Variants in MACC1 observed in about 807,000 individuals in gnomAD.
MACC1 encodes metastasis-associated in colon cancer protein 1.
MACC1 carries 79 observed loss-of-function variants against 70.7 expected under a neutral mutation model. That is an observed-to-expected ratio of 1.12 (90% confidence interval 0.93 to 1.35). The LOEUF (loss-of-function observed/expected upper bound fraction) is 1.35. Among genes scored for constraint, MACC1 ranks in the 40% most tolerant of loss-of-function variants. MACC1 has a pLI of 0.00. For missense variants in MACC1, 1,106 were observed against 978.1 expected (o/e 1.13, Z -1.74); for synonymous variants, 361 against 347.2 (o/e 1.04, Z -0.44).
chr7:20,167,748 G>T (rs183479642), intron 2 of MACC1, among the ~76,000 whole-genome samples: 3 of 152,182 alleles, frequency 2.0e-5, no homozygotes, highest in African/African-American at 7.2e-5. Context: ...GACCCCGGAA[G>T]ATCTCCAAGT....
intron 1 of MACC1, among the ~76,000 whole-genome samples, chr7:20,182,125 G>C (rs1282328984): frequency 2.7e-5 from 4 of 147,482 alleles, no homozygotes; most frequent in South Asian, 2.2e-4. Flanking sequence ...CTCACTCATA[G>C]GTGGGAATTG....
At chr7:20,174,277 C>G (rs1339215485) in intron 1 of MACC1, among the ~76,000 whole-genome samples, 3 of 151,994 alleles carry the variant, frequency 2.0e-5, no homozygotes, top group African/African-American at 7.3e-5. Context: ...GGAAGCTTTC[C>G]CCAATCAGCA....
chr7:20,157,277 T>C (rs1042387923), intron 5 of MACC1, among the ~76,000 whole-genome samples: 20 of 152,258 alleles, frequency 1.3e-4, no homozygotes, highest in African/African-American at 4.3e-4. Flanking sequence ...TTTATTTTTA[T>C]AAAATATTGA....
chr7:20,178,043 A>G (rs1488413436), intron 1 of MACC1, among the ~76,000 whole-genome samples: 4 of 152,086 alleles, frequency 2.6e-5, no homozygotes, highest in Admixed American at 6.5e-5. Context: ...AAAATGTTCA[A>G]TAGCTCCTCT....
rs140327615 is a variant in MACC1, at chr7:20,155,736, T to C, written c.2158-1355A>G. ...GCAATTAGAAGGACTACCCATGGTT[T>C]TGATACATAAATGGATCCATACATT... On this transcript the variant is annotated intron_variant, in intron 5 of 6. Coordinates refer to ENST00000400331, the MANE Select transcript of MACC1 (RefSeq NM_182762.4). Among the ~76,000 whole-genome samples the C allele has an allele frequency of 8.5e-5, 13 of 152,364 alleles. No homozygotes were observed. In the East Asian group the frequency reaches 2.3e-3, roughly 27 times the overall value.
intron 1 of MACC1, among the ~76,000 whole-genome samples, chr7:20,213,806 T>A (rs1221712264): frequency 6.6e-6 from 1 of 152,090 alleles, no homozygotes; most frequent in Admixed American, 6.6e-5. Flanking sequence ...ACTTGGGTAC[T>A]AGGCTTAATA....
intron 1 of MACC1, 78 bp downstream of exon 1, chr7:20,217,221 T>G (rs935590833): frequency 1.3e-5 from 2 of 152,230 alleles, no homozygotes; most frequent in East Asian, 3.8e-4. Context: ...TACATTTTTC[T>G]GGAAATTATA....
chr7:20,214,701 G>A (rs894937772), intron 1 of MACC1, among the ~76,000 whole-genome samples: 4 of 152,098 alleles, frequency 2.6e-5, no homozygotes, highest in African/African-American at 9.7e-5. Context: ...CAAGTGTTTG[G>A]AGAAGTTTAA....
At chr7:20,155,911 G>C (rs1487180014) in intron 5 of MACC1, among the ~76,000 whole-genome samples, 1 of 152,156 alleles carries the variant, frequency 6.6e-6, no homozygotes, top group East Asian at 1.9e-4. Flanking sequence ...CATAAAACCT[G>C]AGTTTAAAAT....
chr7:20,146,256 T>G (rs1223778554), intron 6 of MACC1, among the ~76,000 whole-genome samples: 1 of 152,208 alleles, frequency 6.6e-6, no homozygotes, highest in Non-Finnish European at 1.5e-5. Flanking sequence ...GTTGTTTAAT[T>G]GTCCTTTGTG....
Position 20,158,820 on chromosome 7 carries a change from A to G in MACC1, c.1541T>C (p.Leu514Pro). 7 of 1,614,080 alleles carry G rather than the reference A, an allele frequency of 4.3e-6. No homozygotes were observed. Among genetic ancestry groups the G allele is most frequent in the Non-Finnish European group, 5.9e-6 (7 of 1,180,008 alleles). Reference sequence around the variant, plus strand: ...CTGCAAATAGCCTGGCAGATTCGAGAGTCTTTTTAGGTTTGGGGTTGGATC... The same window carrying G: ...CTGCAAATAGCCTGGCAGATTCGAGGGTCTTTTTAGGTTTGGGGTTGGATC... ...TPDPTPNLKR[L>P]SNLPGYLQKK... Residue 514 changes from leucine to proline, a missense_variant, in exon 5 of 7, where the codon CTC (leucine) becomes CCC (proline). Coordinates refer to ENST00000400331, the MANE Select transcript of MACC1 (RefSeq NM_182762.4).
chr7:20,184,669 T>G (rs190378632), intron 1 of MACC1, among the ~76,000 whole-genome samples: 1 of 152,342 alleles, frequency 6.6e-6, no homozygotes, highest in East Asian at 1.9e-4. Context: ...GCTCCTTGTA[T>G]GTTAGAAATG....
intron 1 of MACC1, among the ~76,000 whole-genome samples, chr7:20,210,693 C>G (rs1281407694): frequency 6.6e-6 from 1 of 152,172 alleles, no homozygotes; most frequent in Non-Finnish European, 1.5e-5. Context: ...CTTAGCACTG[C>G]CATCAATGAG....
rs1782113851 is a variant in MACC1, at chr7:20,159,751, A to G, written c.610T>C (p.Trp204Arg). ...ACCTCCGCAAGTTGTGTCTGGGCCCATCCAGGGCTCTGACTAATTGTATTC... is the reference window on the plus strand; with the variant it reads ...ACCTCCGCAAGTTGTGTCTGGGCCCGTCCAGGGCTCTGACTAATTGTATTC... ...DLNTISQSPGWAQTQLAEVTI... is the reference protein window; with the variant it reads ...DLNTISQSPGRAQTQLAEVTI... Residue 204 changes from tryptophan (W) to arginine (R), a missense_variant, in exon 5 of 7, where the codon TGG (tryptophan) becomes CGG (arginine). By Grantham distance (101) the Trp-to-Arg change is moderately radical. Transcript: ENST00000400331. 6.2e-7 allele frequency: 1 copy of G among 1,613,984 alleles called. No homozygotes were observed. The highest frequency in any genetic ancestry group is 8.5e-7 in the Non-Finnish European group (1 of 1,180,028).
Position 20,135,209 on chromosome 7 carries a change from C to T in MACC1, c.*5737G>A, listed in dbSNP as rs1781703836. The T allele has an allele frequency of 6.6e-6, 1 of 152,212 alleles. No individual in the cohort carries two copies. Among genetic ancestry groups the T allele is most frequent in the African/African-American group, 2.4e-5 (1 of 41,452 alleles). 9.4% of individuals were successfully genotyped at this position (152,212 alleles called of 1,614,324 possible). ...AATTATCTTAAAATTATACTGAATA[C>T]ATGTCCCAAATTATTGTTAACCTAT... On this transcript the variant is annotated 3_prime_UTR_variant, in exon 7 of 7. Transcript: ENST00000400331.
rs191701979 is a variant in MACC1 at position 20,186,241 on chromosome 7, G to C, written c.-217-15463C>G. 1.7e-4 allele frequency among the ~76,000 whole-genome samples: 26 copies of C among 152,230 alleles called. No individual in the cohort carries two copies. In the East Asian group the frequency reaches 4.6e-3, roughly 27 times the overall value. On this transcript the variant is annotated intron_variant, in intron 1 of 6. Coordinates refer to ENST00000400331, the MANE Select transcript of MACC1 (RefSeq NM_182762.4). ...TCTTTGATTGTTATGAGGTGAAAGG[G>C]ACCTGCTAACTGGGACACTTTCCAG... is the stretch of plus-strand genomic sequence containing the variant.
At chr7:20,147,163 GAAT>G (rs1781904624) in intron 6 of MACC1, among the ~76,000 whole-genome samples, 1 of 152,104 alleles carries the variant, frequency 6.6e-6, no homozygotes, top group South Asian at 2.1e-4. Context: ...AATGAAATAG[GAAT>G]AAAGGCAAAA....
rs1013542985 is a variant in MACC1, at chr7:20,199,926, C to A, written c.-218+17373G>T. Among the ~76,000 whole-genome samples, 7 of 151,954 alleles carry A rather than the reference C, an allele frequency of 4.6e-5. No individual in the cohort carries two copies. In the South Asian group the frequency reaches 1.5e-3, roughly 32 times the overall value. ...TACATGCTTTTATAAAGGAAAACGACCTTGCAAACCAAGTTTTAAGGCTCA... is the reference window on the plus strand; with the variant it reads ...TACATGCTTTTATAAAGGAAAACGAACTTGCAAACCAAGTTTTAAGGCTCA... On this transcript the variant is annotated intron_variant, in intron 1 of 6. Transcript: ENST00000400331.
chr7:20,158,759 T>C lies in MACC1; in HGVS notation c.1602A>G (p.Pro534=), dbSNP rs142684302. The change falls in exon 5 of 7, where the codon CCA becomes CCG. Residue 534 remains proline, a synonymous_variant. Transcript: ENST00000400331. The part of the protein sequence containing the change: ...KEEIKSAPLS[P]KILVKYPTFQ... ...ATGTAGGATATTTAACAAGAATTTT[T>C]GGTGATAAAGGAGCAGACTTGATTT... 1.2e-5 allele frequency: 19 copies of C among 1,613,928 alleles called. No individual in the cohort carries two copies. In the African/African-American group the frequency reaches 2.4e-4, roughly 20 times the overall value.
Sources: gnomAD v4.1 joint callset for allele counts (sites outside exome capture counted in the v4.1 genomes callset) on GRCh38, gnomAD v4.1.1 for gene constraint, MANE v1.5 for transcripts, NCBI Gene and HGNC (gene_info 2026-07-23, HGNC 2026-07-21) for gene names.